The following RPS6KA5 variants were observed in gnomAD, a reference collection of about 807,000 sequenced individuals.
RPS6KA5 encodes ribosomal protein S6 kinase alpha-5.
Under a neutral mutation model 85.5 loss-of-function variants are expected in RPS6KA5, and 27 were observed. The ratio of observed to expected loss-of-function variants is 0.32; its 90% confidence interval spans 0.23 to 0.44. RPS6KA5 has a LOEUF of 0.44. Ranked by LOEUF, RPS6KA5 falls within the 20% of genes least tolerant of loss-of-function variation. RPS6KA5 has a pLI of 1.00. For missense variants in RPS6KA5, 811 were observed against 980.9 expected (o/e 0.83, Z 2.31); for synonymous variants, 334 against 348.2 (o/e 0.96, Z 0.46).
At chr14:91,045,447 A>G (rs1054562766) in intron 1 of RPS6KA5, among the ~76,000 whole-genome samples, 2 of 152,074 alleles carry the variant, frequency 1.3e-5, no homozygotes, top group African/African-American at 4.8e-5. Flanking sequence ...TATTTTTAGT[A>G]GAGATGGGGT....
chr14:91,030,179 A>C (rs1472222401), intron 1 of RPS6KA5, among the ~76,000 whole-genome samples: 1 of 152,176 alleles, frequency 6.6e-6, no homozygotes, highest in African/African-American at 2.4e-5. Context: ...CAAACAGGGG[A>C]AATGTCTGAA....
At position 90,849,770 on chromosome 14, in the gene RPS6KA5, CTAT is replaced by C. The variant is rs2031896812; in HGVS notation, c.*22301_*22303del. On this transcript the variant is annotated 3_prime_UTR_variant, in exon 17 of 17. Transcript: ENST00000614987. Reference sequence around the variant, plus strand: ...GTCAGCTAACAGTAACAAGCTACTACTATTATTTCCCAAAGATGGAACAAAGGG... The same window carrying C: ...GTCAGCTAACAGTAACAAGCTACTACTATTTCCCAAAGATGGAACAAAGGG... The C allele has an allele frequency of 6.6e-6, 1 of 152,202 alleles. No homozygotes were observed. Among genetic ancestry groups the C allele is most frequent in the Non-Finnish European group, 1.5e-5 (1 of 68,036 alleles). 9.4% of individuals were successfully genotyped at this position (152,202 alleles called of 1,614,324 possible). A position where few individuals can be genotyped will look rare whatever the true frequency, so the allele number is the denominator to read the frequency against.
chr14:90,914,564 C>G (rs887741589), intron 7 of RPS6KA5, among the ~76,000 whole-genome samples: 3 of 152,076 alleles, frequency 2.0e-5, no homozygotes, highest in African/African-American at 7.2e-5. Flanking sequence ...ATCCACCTGC[C>G]TTGGCCTCCC....
chr14:90,952,343 A>T (rs1311902944), intron 3 of RPS6KA5, among the ~76,000 whole-genome samples: 1 of 152,226 alleles, frequency 6.6e-6, no homozygotes, highest in East Asian at 1.9e-4. Flanking sequence ...TTCAAGAAGG[A>T]ATCTGGATAT....
intron 14 of RPS6KA5, 108 bp downstream of exon 14, chr14:90,890,379 C>T (rs1241198332): frequency 1.1e-6 from 1 of 950,834 alleles, no homozygotes; most frequent in African/African-American, 1.6e-5. Context: ...GAAAAGAAAC[C>T]ACTTTGCCAA....
intron 9 of RPS6KA5, among the ~76,000 whole-genome samples, 194 bp from the exon 10 acceptor site, chr14:90,900,930 T>A (rs1238394737): frequency 6.6e-6 from 1 of 152,174 alleles, no homozygotes; most frequent in Non-Finnish European, 1.5e-5. Context: ...CAGAAGGATA[T>A]AATGCCATCT....
chr14:91,050,436 T>G (rs1456359948), intron 1 of RPS6KA5, among the ~76,000 whole-genome samples: 1 of 152,130 alleles, frequency 6.6e-6, no homozygotes, highest in Non-Finnish European at 1.5e-5. Flanking sequence ...TTTTTGTTTG[T>G]TTGTTTGTTT....
intron 1 of RPS6KA5, among the ~76,000 whole-genome samples, chr14:91,012,821 A>T (rs572513190): frequency 1.3e-4 from 20 of 152,218 alleles, no homozygotes; most frequent in Non-Finnish European, 2.4e-4. Flanking sequence ...GCAACAGTTA[A>T]AACAACCCCC....
At chr14:90,993,758 A>G (rs1038785866) in intron 2 of RPS6KA5, among the ~76,000 whole-genome samples, 2 of 152,168 alleles carry the variant, frequency 1.3e-5, no homozygotes, top group African/African-American at 4.8e-5. Context: ...TTATACTTGT[A>G]TGCAAGTACT....
At position 90,849,562 on chromosome 14, in the gene RPS6KA5, C is replaced by T. The variant is rs1252679683; in HGVS notation, c.*22512G>A. ...TGGCTGACTCATCTCAGTACGGTGACCTGGACTGCAGCAAGATCGGGCACA... is the reference window on the plus strand; with the variant it reads ...TGGCTGACTCATCTCAGTACGGTGATCTGGACTGCAGCAAGATCGGGCACA... On this transcript the variant is annotated 3_prime_UTR_variant, in exon 17 of 17. Coordinates refer to ENST00000614987, the MANE Select transcript of RPS6KA5 (RefSeq NM_004755.4). 6.6e-6 allele frequency: 1 copy of T among 152,310 alleles called. No homozygotes were observed. The highest frequency in any genetic ancestry group is 2.4e-5 in the African/African-American group (1 of 41,392). The allele number at this position is 152,310 out of a possible 1,614,324, so 9.4% of individuals were successfully genotyped here. A position where few individuals can be genotyped will look rare whatever the true frequency, so the allele number is the denominator to read the frequency against.
chr14:90,947,355 A>C, intron 4 of RPS6KA5, 80 bp downstream of exon 4: 1 of 768,654 alleles, frequency 1.3e-6, no homozygotes, highest in Non-Finnish European at 2.2e-6. Flanking sequence ...ATAACATGTA[A>C]AAACATTAGC....
chr14:90,904,839 G>C (rs2035413793), intron 8 of RPS6KA5, among the ~76,000 whole-genome samples: 1 of 152,150 alleles, frequency 6.6e-6, no homozygotes. Flanking sequence ...ACTGAAAAGA[G>C]AAATTTCTCT....
intron 7 of RPS6KA5, among the ~76,000 whole-genome samples, chr14:90,913,311 G>T (rs2035933030): frequency 6.6e-6 from 1 of 152,164 alleles, no homozygotes; most frequent in Admixed American, 6.5e-5. Context: ...TCCGGCCATT[G>T]CTTCTGGGAC....
intron 1 of RPS6KA5, among the ~76,000 whole-genome samples, chr14:91,038,746 T>A (rs2042493514): frequency 6.6e-6 from 1 of 152,222 alleles, no homozygotes; most frequent in Non-Finnish European, 1.5e-5. Flanking sequence ...TTCACTTCTG[T>A]CTTCCAAATC....
At chr14:90,985,786 T>C (rs1482305909) in intron 2 of RPS6KA5, among the ~76,000 whole-genome samples, 5 of 152,190 alleles carry the variant, frequency 3.3e-5, no homozygotes, top group African/African-American at 1.2e-4. Flanking sequence ...TCTGCACCCA[T>C]GCAGTTCCAT....
chr14:90,962,530 G>T (rs1220840801), intron 3 of RPS6KA5, among the ~76,000 whole-genome samples: 9 of 151,622 alleles, frequency 5.9e-5, no homozygotes, highest in Admixed American at 5.9e-4. Flanking sequence ...CAGGTGATCT[G>T]CCCTCCTTGG....
Position 90,900,842 on chromosome 14 carries a change from T to C in RPS6KA5, c.1120-106A>G, listed in dbSNP as rs2035126498. 3 of 879,562 alleles carry C rather than the reference T, an allele frequency of 3.4e-6. No homozygotes were observed. In the East Asian group the frequency reaches 8.3e-5, roughly 24 times the overall value. 54.5% of individuals were successfully genotyped at this position (879,562 alleles called of 1,614,324 possible). ...TTTCCTTAGAAAAACACTCAAATAT[T>C]TGTTGAGATGAGTCTAATTTTATTT... On this transcript the variant is annotated intron_variant, in intron 9 of 16. Transcript: ENST00000614987.
chr14:90,945,601 G>A (rs2037832489), intron 4 of RPS6KA5, among the ~76,000 whole-genome samples: 1 of 152,082 alleles, frequency 6.6e-6, no homozygotes, highest in Non-Finnish European at 1.5e-5. Context: ...ATTAAGAGAA[G>A]GTTAACCAAG....
At chr14:91,049,186 G>T (rs534066457) in intron 1 of RPS6KA5, among the ~76,000 whole-genome samples, 1 of 152,152 alleles carries the variant, frequency 6.6e-6, no homozygotes, top group African/African-American at 2.4e-5. Flanking sequence ...TTCTTTTAAG[G>T]TCTAGGCACT....
Sources: allele counts gnomAD v4.1 joint callset (sites outside exome capture counted in the v4.1 genomes callset), GRCh38; gene constraint gnomAD v4.1.1; transcripts MANE v1.5; gene names NCBI Gene and HGNC (gene_info 2026-07-23, HGNC 2026-07-21).